Variants in PTPRC observed in about 807,000 individuals in gnomAD.
The protein encoded by PTPRC is receptor-type tyrosine-protein phosphatase C.
In PTPRC, 44 loss-of-function variants were observed where a neutral mutation model predicts 155.9. That is an observed-to-expected ratio of 0.28 (90% CI 0.22 to 0.36). The LOEUF (loss-of-function observed/expected upper bound fraction) is 0.36. PTPRC is among the 10% of genes least tolerant of loss of function. The pLI is 1.00. For synonymous variants in PTPRC, 525 were observed against 533.1 expected, an observed-to-expected ratio of 0.98 and a Z score of 0.21; for missense variants, 1,401 against 1,564.6, an observed-to-expected ratio of 0.90 and a Z score of 1.76.
intron 2 of PTPRC, among the ~76,000 whole-genome samples, chr1:198,653,446 TA>T (rs1204208443): frequency 6.6e-6 from 1 of 151,838 alleles, no homozygotes; most frequent in East Asian, 1.9e-4. Flanking sequence ...AAATCTTGAT[TA>T]AAAAAACAAG....
At chr1:198,666,240 CA>C (rs756815638) in intron 2 of PTPRC, among the ~76,000 whole-genome samples, 16,195 of 101,714 alleles carry the variant, frequency 0.16, 1,260 homozygotes, top group African/African-American at 0.31. Flanking sequence ...GACCCTGTCT[CA>C]AAAAAAAAAA....
intron 11 of PTPRC, among the ~76,000 whole-genome samples, chr1:198,711,799 G>A (rs1425586734): frequency 6.6e-6 from 1 of 152,162 alleles, no homozygotes; most frequent in East Asian, 1.9e-4. Context: ...AATTGAAAAT[G>A]GACAAACATT....
chr1:198,712,181 CT>C (rs1196582853), intron 11 of PTPRC, among the ~76,000 whole-genome samples: 1 of 152,146 alleles, frequency 6.6e-6, no homozygotes, highest in African/African-American at 2.4e-5. Flanking sequence ...ACACATGCAA[CT>C]AAGTGAATGA....
chr1:198,722,580 T>A, intron 15 of PTPRC, 104 bp downstream of exon 15: 1 of 548,716 alleles, frequency 1.8e-6, no homozygotes, highest in Non-Finnish European at 2.7e-6. Context: ...GTTAAATGCT[T>A]AAATAATATC....
intron 11 of PTPRC, among the ~76,000 whole-genome samples, chr1:198,711,386 C>T (rs1187103970): frequency 6.6e-6 from 1 of 152,028 alleles, no homozygotes; most frequent in African/African-American, 2.4e-5. Context: ...AAAATGTTTT[C>T]AGTGGGGGAA....
At chr1:198,690,729 C>T (rs1356124677) in intron 2 of PTPRC, among the ~76,000 whole-genome samples, 1 of 152,028 alleles carries the variant, frequency 6.6e-6, no homozygotes, top group Non-Finnish European at 1.5e-5. Flanking sequence ...CCTTAAGTAC[C>T]AGCTAATTCA....
rs928639903 is a variant in PTPRC, at chr1:198,726,846, TTTTTC to T, written c.1721-1480_1721-1476del. Among the ~76,000 whole-genome samples the T allele has an allele frequency of 4.6e-5, 7 of 151,712 alleles. No individual in the cohort carries two copies. The South Asian group carries it at 6.2e-4, about 14-fold the overall frequency. On this transcript the variant is annotated intron_variant, in intron 15 of 32. Transcript: ENST00000442510. ...ATTTCATTTGTTCACTTACCTTTCT[TTTTTC>T]TTTTCTTTTCTTTCCTTTTTTTTTT...
chr1:198,752,086 A>C (rs1655408365), intron 29 of PTPRC, among the ~76,000 whole-genome samples, 163 bp from the exon 30 acceptor site: 1 of 152,080 alleles, frequency 6.6e-6, no homozygotes, highest in Admixed American at 6.6e-5. Context: ...CAGCACTTAA[A>C]TAGATTCTGG....
chr1:198,639,034 G>A (rs557539292), upstream of PTPRC: 26 of 499,388 alleles, frequency 5.2e-5, no homozygotes, highest in Middle Eastern at 4.9e-4. Context: ...TAGTAAAACC[G>A]AATCTGACAT....
intron 11 of PTPRC, among the ~76,000 whole-genome samples, chr1:198,712,305 C>T (rs1190398410): frequency 3.3e-5 from 5 of 152,114 alleles, no homozygotes; most frequent in Non-Finnish European, 7.4e-5. Flanking sequence ...CTGTAGTTAA[C>T]AGAAAGTTGA....
intron 22 of PTPRC, among the ~76,000 whole-genome samples, chr1:198,734,870 A>G (rs1571880614): frequency 1.3e-5 from 2 of 151,820 alleles, no homozygotes; most frequent in Non-Finnish European, 3.0e-5. Flanking sequence ...ACAACTGATT[A>G]TGTCCTCTCT....
At chr1:198,723,119 A>ATG (rs1653972515) in intron 15 of PTPRC, among the ~76,000 whole-genome samples, 1 of 149,448 alleles carries the variant, frequency 6.7e-6, no homozygotes, top group African/African-American at 2.4e-5. Flanking sequence ...CTTCATATAT[A>ATG]TATATATATA....
rs191164456 is a variant in PTPRC at position 198,671,251 on chromosome 1, C to T, written c.74-21096C>T. On this transcript the variant is annotated intron_variant, in intron 2 of 32. Coordinates refer to ENST00000442510, the MANE Select transcript of PTPRC (RefSeq NM_002838.5). ...GCATACACCAGTATCACCCCCCTCACCCCCCTGTTTCCAATAAATTAAACC... is the reference window on the plus strand; with the variant it reads ...GCATACACCAGTATCACCCCCCTCATCCCCCTGTTTCCAATAAATTAAACC... 3.9e-3 allele frequency among the ~76,000 whole-genome samples: 589 copies of T among 152,170 alleles called. 5 individuals are homozygous for T. The highest frequency in any genetic ancestry group is 0.013 in the African/African-American group (555 of 41,506).
At chr1:198,648,829 G>A (rs1222569298) in intron 2 of PTPRC, among the ~76,000 whole-genome samples, 3 of 151,942 alleles carry the variant, frequency 2.0e-5, no homozygotes, top group East Asian at 3.9e-4. Context: ...TGAGTGATAT[G>A]ATGGAAAGAA....
intron 3 of PTPRC, chr1:198,693,291 GTC>G: frequency 2.3e-6 from 1 of 440,334 alleles, no homozygotes; most frequent in Non-Finnish European, 3.0e-6. Flanking sequence ...TTTAAAGAAG[GTC>G]TAACACAATT....
chr1:198,744,079 C>T lies in PTPRC; in HGVS notation c.2723C>T (p.Ala908Val), dbSNP rs1204008943. 6.2e-7 allele frequency: 1 copy of T among 1,604,888 alleles called. No homozygotes were observed. The highest frequency in any genetic ancestry group is 8.5e-7 in the Non-Finnish European group (1 of 1,172,600). Residue 908 changes from alanine (A) to valine (V), a missense_variant, in exon 26 of 33, where the codon GCT (alanine) becomes GTT (valine). By Grantham distance (64) the Ala-to-Val change is moderately conservative. Coordinates refer to ENST00000442510, the MANE Select transcript of PTPRC (RefSeq NM_002838.5). The stretch of plus-strand genomic sequence containing the variant: ...GCCCAGTACATCTTGATCCATCAGG[C>T]TTTGGTGGAATACAATCAGTTTGGA... ...VEAQYILIHQ[A>V]LVEYNQFGET...
At chr1:198,650,885 G>A (rs1167696512) in intron 2 of PTPRC, among the ~76,000 whole-genome samples, 1 of 151,798 alleles carries the variant, frequency 6.6e-6, no homozygotes, top group East Asian at 1.9e-4. Context: ...TGCTTTGAAT[G>A]TTGAAAAGGG....
chr1:198,734,253 A>G (rs774960301), intron 21 of PTPRC, 21 bp downstream of exon 21: 2 of 1,610,478 alleles, frequency 1.2e-6, no homozygotes, highest in African/African-American at 2.7e-5. Flanking sequence ...TGATAATCCA[A>G]TATTCTTTTT....
chr1:198,707,331 G>C (rs1253107960), intron 9 of PTPRC, among the ~76,000 whole-genome samples: 1 of 152,058 alleles, frequency 6.6e-6, no homozygotes, highest in Non-Finnish European at 1.5e-5. Context: ...ATATATTAGG[G>C]AGAAACATAA....
Sources: allele counts gnomAD v4.1 joint callset (sites outside exome capture counted in the v4.1 genomes callset), GRCh38; gene constraint gnomAD v4.1.1; transcripts MANE v1.5; gene names NCBI Gene and HGNC (gene_info 2026-07-23, HGNC 2026-07-21).